The following SKAP1 variants were observed in gnomAD, a reference collection of about 807,000 sequenced individuals.
SKAP1 encodes src kinase associated phosphoprotein 1.
SKAP1 carries 44 observed loss-of-function variants against 58.5 expected under a neutral mutation model. The ratio of observed to expected loss-of-function variants is 0.75; its 90% confidence interval spans 0.59 to 0.97. SKAP1 has a LOEUF of 0.97. SKAP1 is among the 50% of genes least tolerant of loss of function. The pLI is 0.00. For missense variants in SKAP1, 390 were observed against 435.2 expected (o/e 0.90, Z 0.92); for synonymous variants, 127 against 149.7 (o/e 0.85, Z 1.11).
At chr17:48,329,995 A>T (rs1009614694) in intron 4 of SKAP1, among the ~76,000 whole-genome samples, 1 of 152,228 alleles carries the variant, frequency 6.6e-6, no homozygotes, top group African/African-American at 2.4e-5. Flanking sequence ...AATTTATTAT[A>T]GAAAGCAGGT....
chr17:48,421,522 C>T (rs1019095898), intron 1 of SKAP1, among the ~76,000 whole-genome samples: 2 of 151,998 alleles, frequency 1.3e-5, no homozygotes, highest in African/African-American at 2.4e-5. Context: ...CCAGGCTGGT[C>T]TCGAACTCCT....
rs774223238 is a variant in SKAP1, at chr17:48,187,833, G to T, written c.442+10C>A. 3.1e-6 allele frequency: 5 copies of T among 1,591,222 alleles called. No homozygotes were observed. Among genetic ancestry groups the T allele is most frequent in the Non-Finnish European group, 4.3e-6 (5 of 1,159,968 alleles). ...AGTGAGATGCTGCTGTGTAAATGAA[G>T]AACACTTACTCTTCTCATTAGCATA... On this transcript the variant is annotated intron_variant, in intron 6 of 12. Transcript: ENST00000336915.
At chr17:48,320,108 G>A (rs2144217691) in intron 4 of SKAP1, among the ~76,000 whole-genome samples, 1 of 152,084 alleles carries the variant, frequency 6.6e-6, no homozygotes, top group East Asian at 1.9e-4. Flanking sequence ...GAATAAAAAT[G>A]AAGCTAAAAG....
At chr17:48,351,639 C>T (rs797001191) in intron 3 of SKAP1, among the ~76,000 whole-genome samples, 6 of 152,134 alleles carry the variant, frequency 3.9e-5, no homozygotes, top group African/African-American at 1.4e-4. Flanking sequence ...TAAATTGAAC[C>T]TAAGACTACA....
chr17:48,221,051 G>A (rs946223844), intron 4 of SKAP1, among the ~76,000 whole-genome samples: 15 of 151,988 alleles, frequency 9.9e-5, no homozygotes, highest in African/African-American at 3.1e-4. Flanking sequence ...GGCGGATAAC[G>A]AGGTCAGGAC....
Position 48,316,568 on chromosome 17 carries a change from TATAAC to T in SKAP1, c.280+29332_280+29336del, listed in dbSNP as rs570082671. On this transcript the variant is annotated intron_variant, in intron 4 of 12. Transcript: ENST00000336915. ...GACCATTTACCATGGCTTGACATTA[TATAAC>T]ATATCGGCCCCAGTAAAATATGAGC... Among the ~76,000 whole-genome samples, 42 of 152,326 alleles carry T rather than the reference TATAAC, an allele frequency of 2.8e-4. No individual in the cohort carries two copies. The East Asian group carries it at 7.5e-3, about 27-fold the overall frequency.
chr17:48,189,622 C>A, intron 4 of SKAP1, 122 bp from the exon 5 acceptor site: 6 of 596,082 alleles, frequency 1.0e-5, no homozygotes, highest in South Asian at 4.5e-5. Context: ...AAACACAGTA[C>A]AAAATAAAAC....
chr17:48,199,381 G>C (rs1302975245), intron 4 of SKAP1, among the ~76,000 whole-genome samples: 1 of 152,090 alleles, frequency 6.6e-6, no homozygotes, highest in Non-Finnish European at 1.5e-5. Context: ...CAACAATAAG[G>C]AACAGACTCT....
chr17:48,244,503 C>A (rs570405722), intron 4 of SKAP1, among the ~76,000 whole-genome samples: 4 of 152,184 alleles, frequency 2.6e-5, no homozygotes, highest in Non-Finnish European at 5.9e-5. Flanking sequence ...TTATCTTTAT[C>A]TTTATCTTCC....
At chr17:48,284,508 G>A (rs971552396) in intron 4 of SKAP1, among the ~76,000 whole-genome samples, 11 of 152,140 alleles carry the variant, frequency 7.2e-5, no homozygotes, top group African/African-American at 2.7e-4. Flanking sequence ...AGGAGATTTG[G>A]ATATGAGTAC....
intron 8 of SKAP1, 95 bp downstream of exon 8, chr17:48,182,298 GA>G: frequency 2.2e-6 from 2 of 891,250 alleles, no homozygotes. Flanking sequence ...AGAAAGGGCA[GA>G]AAAAATACAT....
At chr17:48,258,046 C>T (rs1476319090) in intron 4 of SKAP1, among the ~76,000 whole-genome samples, 3 of 151,956 alleles carry the variant, frequency 2.0e-5, no homozygotes, top group Non-Finnish European at 2.9e-5. Context: ...GCAAAAAGCT[C>T]GCATCATGAC....
At chr17:48,302,019 T>C (rs1447851523) in intron 4 of SKAP1, among the ~76,000 whole-genome samples, 7 of 152,210 alleles carry the variant, frequency 4.6e-5, no homozygotes, top group African/African-American at 7.2e-5. Flanking sequence ...GTTGAGATTA[T>C]AGGAAACCAA....
chr17:48,153,655 C>A (rs987786284), intron 11 of SKAP1, among the ~76,000 whole-genome samples: 5 of 152,016 alleles, frequency 3.3e-5, no homozygotes, highest in Non-Finnish European at 5.9e-5. Flanking sequence ...CTCACCCACC[C>A]CTTTGATTAG....
intron 4 of SKAP1, among the ~76,000 whole-genome samples, chr17:48,237,119 T>C (rs1265772313): frequency 2.0e-5 from 3 of 152,240 alleles, no homozygotes; most frequent in African/African-American, 7.2e-5. Flanking sequence ...ACTTACTTGT[T>C]GTTAGTTCCA....
intron 9 of SKAP1, 143 bp downstream of exon 9, chr17:48,179,911 T>G (rs898337682): frequency 9.0e-5 from 64 of 711,414 alleles, no homozygotes; most frequent in Non-Finnish European, 1.4e-4. Flanking sequence ...TTCCCTACAA[T>G]CTCATAAAGC....
chr17:48,358,538 A>G (rs569311515), intron 3 of SKAP1, among the ~76,000 whole-genome samples: 1 of 152,318 alleles, frequency 6.6e-6, no homozygotes, highest in Non-Finnish European at 1.5e-5. Context: ...CTAGCCTCTG[A>G]AGTGGCTACC....
intron 2 of SKAP1, among the ~76,000 whole-genome samples, chr17:48,374,843 G>A (rs2067132584): frequency 6.6e-6 from 1 of 152,222 alleles, no homozygotes; most frequent in Admixed American, 6.5e-5. Flanking sequence ...GCACCATCTG[G>A]TGGAAGTCCC....
Position 48,242,267 on chromosome 17 carries a change from G to A in SKAP1, c.281-52767C>T, listed in dbSNP as rs535188258. On this transcript the variant is annotated intron_variant, in intron 4 of 12. Coordinates refer to ENST00000336915, the MANE Select transcript of SKAP1 (RefSeq NM_003726.4). ...TGCCTTGGTAGCCCAGGGAATGAAC[G>A]TCGTTGATCAGTGTGCCTAGAAAGG... is the stretch of plus-strand genomic sequence containing the variant. Among the ~76,000 whole-genome samples the A allele has an allele frequency of 1.1e-4, 16 of 152,256 alleles. No homozygotes were observed. In the East Asian group the frequency reaches 1.5e-3, roughly 15 times the overall value.
Sources: gnomAD v4.1 joint callset for allele counts (sites outside exome capture counted in the v4.1 genomes callset) on GRCh38, gnomAD v4.1.1 for gene constraint, MANE v1.5 for transcripts, NCBI Gene and HGNC (gene_info 2026-07-23, HGNC 2026-07-21) for gene names.